Variants in ANKRD29 observed in about 807,000 individuals in gnomAD.
ANKRD29 encodes the protein ankyrin repeat domain 29.
In ANKRD29, 32 loss-of-function variants were observed where a neutral mutation model predicts 38.0. That is an observed-to-expected ratio of 0.84 (90% CI 0.64 to 1.13). ANKRD29 has a LOEUF of 1.13. ANKRD29 is among the 50% of genes most tolerant of loss of function. The pLI, the probability that ANKRD29 is intolerant of heterozygous loss-of-function variation, is 0.00. For synonymous variants in ANKRD29, 135 were observed against 152.4 expected (o/e 0.89, Z 0.84); for missense variants, 357 against 377.9 (o/e 0.94, Z 0.46).
chr18:23,633,221 A>C (rs190273967), intron 5 of ANKRD29, among the ~76,000 whole-genome samples: 107 of 152,348 alleles, frequency 7.0e-4, no homozygotes, highest in Non-Finnish European at 1.0e-3. Context: ...AGCTGCAAAC[A>C]GACCCGCACT....
intron 6 of ANKRD29, among the ~76,000 whole-genome samples, chr18:23,626,859 G>A (rs59371064): frequency 6.6e-6 from 1 of 152,088 alleles, no homozygotes; most frequent in Non-Finnish European, 1.5e-5. Context: ...AAAATGGTAG[G>A]GCTTCATAGA....
Position 23,612,128 on chromosome 18 carries a change from G to A in ANKRD29, c.786C>T (p.Leu262=), listed in dbSNP as rs761647923. 10 of 1,613,714 alleles carry A rather than the reference G, an allele frequency of 6.2e-6. No individual in the cohort carries two copies. In the East Asian group the frequency reaches 2.2e-4, roughly 36 times the overall value. ...GGGATGGGTCTGCCCCTGCTTCTAGGAGCAGCGCAACTGTTTTAATGTTTC... is the reference window on the plus strand; with the variant it reads ...GGGATGGGTCTGCCCCTGCTTCTAGAAGCAGCGCAACTGTTTTAATGTTTC... ...LSGNIKTVAL[L]LEAGADPSLR... is the part of the protein sequence containing the mutation. The change falls in exon 9 of 10, where the codon CTC becomes CTT. Residue 262 remains leucine (L), a synonymous_variant. Coordinates refer to ENST00000592179, the MANE Select transcript of ANKRD29 (RefSeq NM_173505.4).
chr18:23,650,410 C>T (rs1237933729), intron 1 of ANKRD29, among the ~76,000 whole-genome samples: 2 of 152,174 alleles, frequency 1.3e-5, no homozygotes, highest in Non-Finnish European at 1.5e-5. Context: ...TCCCAAAGTG[C>T]TGGGATTACA....
At chr18:23,617,962 C>A in intron 7 of ANKRD29, 135 bp from the exon 8 acceptor site, 1 of 634,774 alleles carries the variant, frequency 1.6e-6, no homozygotes. Flanking sequence ...AGCAATGTCT[C>A]TTAATCTAGG....
At chr18:23,645,523 G>A (rs1283187126) in intron 3 of ANKRD29, among the ~76,000 whole-genome samples, 4 of 152,122 alleles carry the variant, frequency 2.6e-5, no homozygotes, top group Admixed American at 1.3e-4. Flanking sequence ...TGCATGAGCC[G>A]AGGTTGCGCC....
intron 9 of ANKRD29, among the ~76,000 whole-genome samples, chr18:23,604,354 G>A (rs1004588320): frequency 5.3e-5 from 8 of 152,178 alleles, no homozygotes; most frequent in African/African-American, 1.9e-4. Flanking sequence ...GGTCTGGGGG[G>A]TGGTGTCCTG....
At chr18:23,644,134 A>T (rs2145718582) in intron 3 of ANKRD29, among the ~76,000 whole-genome samples, 1 of 152,370 alleles carries the variant, frequency 6.6e-6, no homozygotes, top group East Asian at 1.9e-4. Context: ...GTGCTACGAG[A>T]GTTTTCATCT....
chr18:23,620,621 T>G (rs941859483), intron 6 of ANKRD29, among the ~76,000 whole-genome samples: 2 of 152,094 alleles, frequency 1.3e-5, no homozygotes, highest in African/African-American at 4.8e-5. Flanking sequence ...AGAGGTAACC[T>G]AGGTTGTGGA....
intron 5 of ANKRD29, among the ~76,000 whole-genome samples, chr18:23,630,403 G>A (rs1321628257): frequency 6.6e-6 from 1 of 151,488 alleles, no homozygotes; most frequent in African/African-American, 2.4e-5. Context: ...TCCAGCCTGG[G>A]CAAAAGAGCA....
At chr18:23,648,618 A>G (rs2060169910) in intron 2 of ANKRD29, 1 of 320,940 alleles carries the variant, frequency 3.1e-6, no homozygotes, top group Non-Finnish European at 5.6e-6. Context: ...TAAATTGCCA[A>G]TTAGTGTATT....
intron 1 of ANKRD29, among the ~76,000 whole-genome samples, chr18:23,650,533 C>T (rs186621578): frequency 2.0e-5 from 3 of 152,304 alleles, no homozygotes; most frequent in Admixed American, 6.5e-5. Flanking sequence ...AAATGGGTGG[C>T]AGAGCTGACT....
At chr18:23,604,085 G>A (rs561832502) in intron 9 of ANKRD29, among the ~76,000 whole-genome samples, 4 of 152,188 alleles carry the variant, frequency 2.6e-5, no homozygotes, top group South Asian at 2.1e-4. Flanking sequence ...CAAGTGATGC[G>A]CCTGCCTCGG....
intron 9 of ANKRD29, among the ~76,000 whole-genome samples, chr18:23,606,863 A>G (rs993412010): frequency 6.6e-5 from 10 of 152,196 alleles, no homozygotes; most frequent in African/African-American, 2.4e-4. Flanking sequence ...CTGTCTCTAA[A>G]AAGAAAGAAG....
At chr18:23,643,825 C>A (rs2060107101) in intron 3 of ANKRD29, among the ~76,000 whole-genome samples, 1 of 152,204 alleles carries the variant, frequency 6.6e-6, no homozygotes, top group African/African-American at 2.4e-5. Context: ...CAAGGAGTGG[C>A]AGGTAGTTTT....
chr18:23,662,287 C>T (rs146239410), intron 1 of ANKRD29, among the ~76,000 whole-genome samples: 206 of 152,326 alleles, frequency 1.4e-3, no homozygotes, highest in African/African-American at 4.8e-3. Context: ...GTGCTGGCCA[C>T]CCCTCCGGGG....
chr18:23,613,164 A>ATTTTTTTTTTTTTTTT (rs546475443), intron 8 of ANKRD29, among the ~76,000 whole-genome samples: 1 of 99,058 alleles, frequency 1.0e-5, no homozygotes, highest in African/African-American at 4.3e-5. Flanking sequence ...ACGGGTCAGA[A>ATTTTTTTTTTTTTTTT]TTTTTTTTTT....
At chr18:23,601,375 A>T (rs2059509968) in intron 9 of ANKRD29, 66 bp from the exon 10 acceptor site, 1 of 1,374,124 alleles carries the variant, frequency 7.3e-7, no homozygotes, top group Non-Finnish European at 1.0e-6. Flanking sequence ...GACTCCAAAG[A>T]GGGGCATTTG....
At position 23,650,024 on chromosome 18, in the gene ANKRD29, G is replaced by A. The variant is rs547140415; in HGVS notation, c.22-831C>T. Reference sequence around the variant, plus strand: ...ATTACAGGTGTGAGCCACCGTGCCCGGCCCCTCCATCTAATTTTCTTTGCT... The same window carrying A: ...ATTACAGGTGTGAGCCACCGTGCCCAGCCCCTCCATCTAATTTTCTTTGCT... On this transcript the variant is annotated intron_variant, in intron 1 of 9. Transcript: ENST00000592179. 1.4e-4 allele frequency among the ~76,000 whole-genome samples: 21 copies of A among 152,230 alleles called. No homozygotes were observed. In the South Asian group the frequency reaches 1.9e-3, roughly 14 times the overall value.
chr18:23,662,617 A>AAACC, intron 1 of ANKRD29, 93 bp downstream of exon 1: 1 of 137,646 alleles, frequency 7.3e-6, no homozygotes, highest in Non-Finnish European at 1.3e-5. Context: ...GGCAGCGCCC[A>AAACC]CCCCATCCCA....
Sources: allele counts gnomAD v4.1 joint callset (sites outside exome capture counted in the v4.1 genomes callset), GRCh38; gene constraint gnomAD v4.1.1; transcripts MANE v1.5; gene names NCBI Gene and HGNC (gene_info 2026-07-23, HGNC 2026-07-21).